The following TMX4 variants were observed in gnomAD, a reference collection of about 807,000 sequenced individuals.
The protein encoded by TMX4 is thioredoxin related transmembrane protein 4.
TMX4 carries 23 observed loss-of-function variants against 33.3 expected under a neutral mutation model. The observed-to-expected ratio is 0.69, with a 90% CI of 0.50 to 0.98. The LOEUF (loss-of-function observed/expected upper bound fraction) is 0.98, where lower values mean the gene tolerates loss of function less well. TMX4 is among the 50% of genes least tolerant of loss of function. The pLI is 0.00. For missense variants in TMX4, 399 were observed against 448.9 expected (o/e 0.89, Z 1.01); for synonymous variants, 164 against 161.5 (o/e 1.02, Z -0.12).
chr20:7,991,087 A>C (rs1285359767), intron 5 of TMX4, among the ~76,000 whole-genome samples: 5 of 152,196 alleles, frequency 3.3e-5, no homozygotes, highest in Admixed American at 6.5e-5. Context: ...CATGGCTTTT[A>C]ATTCTCATCA....
intron 5 of TMX4, among the ~76,000 whole-genome samples, chr20:7,992,015 C>T (rs559463422): frequency 6.6e-6 from 1 of 152,362 alleles, no homozygotes; most frequent in South Asian, 2.1e-4. Context: ...ACTTCTAATC[C>T]TAACTATGCC....
At chr20:8,012,984 A>G (rs1045887506) in intron 1 of TMX4, among the ~76,000 whole-genome samples, 22 of 152,308 alleles carry the variant, frequency 1.4e-4, no homozygotes, top group African/African-American at 4.6e-4. Flanking sequence ...GAACTGGTCC[A>G]TTGTTGCTGC....
chr20:7,996,984 T>C (rs2050679151), intron 4 of TMX4, among the ~76,000 whole-genome samples: 1 of 152,156 alleles, frequency 6.6e-6, no homozygotes, highest in African/African-American at 2.4e-5. Flanking sequence ...TTTCATTCAA[T>C]GTCCATGTCT....
intron 1 of TMX4, chr20:8,019,203 G>C (rs6055462): frequency 0.32 from 167,016 of 521,922 alleles, 33,326 homozygotes; most frequent in East Asian, 0.84. Context: ...GCGAGCGGCC[G>C]GGCCCCACAG....
intron 1 of TMX4, 91 bp downstream of exon 1, chr20:8,019,347 G>T: frequency 7.2e-7 from 1 of 1,386,816 alleles, no homozygotes; most frequent in Non-Finnish European, 9.5e-7. Flanking sequence ...GAGCCCAAGC[G>T]GCAATGCGGG....
chr20:8,008,348 GT>G (rs1461397619), intron 2 of TMX4, among the ~76,000 whole-genome samples: 1 of 151,946 alleles, frequency 6.6e-6, no homozygotes, highest in Non-Finnish European at 1.5e-5. Flanking sequence ...AATACCAGAA[GT>G]TTTTCCTTCT....
intron 6 of TMX4, among the ~76,000 whole-genome samples, chr20:7,986,699 T>G (rs1206621942): frequency 2.0e-5 from 3 of 152,214 alleles, no homozygotes; most frequent in African/African-American, 7.2e-5. Flanking sequence ...AATAAATTTA[T>G]TATTCAACTC....
chr20:8,008,692 C>T (rs542709539), intron 2 of TMX4, among the ~76,000 whole-genome samples: 2 of 152,096 alleles, frequency 1.3e-5, no homozygotes, highest in African/African-American at 2.4e-5. Flanking sequence ...GCATGGTGCC[C>T]AGTAATTAAC....
rs1414602524 is a variant in TMX4 at position 7,995,089 on chromosome 20, A to G, written c.513+937T>C. Among the ~76,000 whole-genome samples the G allele has an allele frequency of 2.6e-5, 4 of 152,318 alleles. No individual in the cohort carries two copies. The East Asian group carries it at 7.7e-4, about 29-fold the overall frequency. ...ATCTCACAAGGCAGAATATAAATGG[A>G]ACTGAGAAAGTGGAATACAAAAGGT... is the stretch of plus-strand genomic sequence containing the variant. On this transcript the variant is annotated intron_variant, in intron 5 of 7. Transcript: ENST00000246024.
chr20:7,993,029 T>C (rs1342493523), intron 5 of TMX4, among the ~76,000 whole-genome samples: 2 of 152,226 alleles, frequency 1.3e-5, no homozygotes, highest in African/African-American at 4.8e-5. Flanking sequence ...TACTGTTTTG[T>C]CATCTTCCCT....
chr20:7,987,289 A>G lies in TMX4; in HGVS notation c.614T>C (p.Leu205Pro), dbSNP rs377411397. Reference sequence around the variant, plus strand: ...AAAAAGTTTGGTATTATCTCTTACCAGACCCATAAAAAGGCCAAAAACCAA... The same window carrying G: ...AAAAAGTTTGGTATTATCTCTTACCGGACCCATAAAAAGGCCAAAAACCAA... ...ATLVFGLFMG[L>P]VLVVISECFY... The change falls in exon 6 of 8, where the codon CTG (leucine) becomes CCG (proline). Residue 205 changes from leucine (L) to proline (P), a missense_variant and splice_region_variant. Transcript: ENST00000246024. 3.8e-6 allele frequency: 6 copies of G among 1,577,964 alleles called. No individual in the cohort carries two copies. The highest frequency in any genetic ancestry group is 5.2e-6 in the Non-Finnish European group (6 of 1,165,004).
At chr20:8,002,885 T>A (rs1034941792) in intron 2 of TMX4, among the ~76,000 whole-genome samples, 3 of 152,188 alleles carry the variant, frequency 2.0e-5, no homozygotes, top group South Asian at 4.1e-4. Context: ...TGCTCTGGAT[T>A]AGTAAAAGTC....
At chr20:8,007,501 T>C (rs559909206) in intron 2 of TMX4, among the ~76,000 whole-genome samples, 1 of 152,328 alleles carries the variant, frequency 6.6e-6, no homozygotes, top group East Asian at 1.9e-4. Flanking sequence ...AATCATATCA[T>C]ATCTCTCTCC....
chr20:7,995,963 A>T, intron 5 of TMX4, 63 bp downstream of exon 5: 2 of 1,332,632 alleles, frequency 1.5e-6, no homozygotes, highest in Non-Finnish European at 2.1e-6. Context: ...CCTATTGCTT[A>T]AAAGCTGTAT....
chr20:8,000,153 C>A (rs1488362848), intron 3 of TMX4, among the ~76,000 whole-genome samples: 1 of 152,100 alleles, frequency 6.6e-6, no homozygotes, highest in Non-Finnish European at 1.5e-5. Flanking sequence ...ATTTTTGCTA[C>A]CAATTACTTT....
chr20:8,011,058 T>C (rs562136937), intron 1 of TMX4, among the ~76,000 whole-genome samples: 3 of 152,248 alleles, frequency 2.0e-5, no homozygotes, highest in South Asian at 2.1e-4. Flanking sequence ...GCAAACATCA[T>C]ATTATTCTTA....
rs1269990182 is a variant in TMX4, at chr20:8,019,433, C to A, written c.176+5G>T. On this transcript the variant is annotated splice_donor_5th_base_variant and intron_variant, in intron 1 of 7. Coordinates refer to ENST00000246024, the MANE Select transcript of TMX4 (RefSeq NM_021156.4). ...GCGGCGTCCGGGGCGGGCGGGCACACTCACAATTTCAGCATCCACTCGCCC... is the reference window on the plus strand; with the variant it reads ...GCGGCGTCCGGGGCGGGCGGGCACAATCACAATTTCAGCATCCACTCGCCC... 6.6e-7 allele frequency: 1 copy of A among 1,515,678 alleles called. No homozygotes were observed. 93.9% of individuals were successfully genotyped at this position (1,515,678 alleles called of 1,614,324 possible).
rs1413133439 is a variant in TMX4, at chr20:7,982,611, C to A, written c.690G>T (p.Arg230=). 1.2e-6 allele frequency: 2 copies of A among 1,611,426 alleles called. No homozygotes were observed. Among genetic ancestry groups the A allele is most frequent in the Admixed American group, 3.3e-5 (2 of 59,820 alleles). The part of the protein sequence containing the change: ...RHLSERSEQN[R]RSEEAHRAEQ... The stretch of plus-strand genomic sequence containing the variant: ...CAGCTCTATGAGCCTCCTCTGATCT[C>A]CGATTCTGCTCTATGGAGGGAAGAA... The change falls in exon 8 of 8, where the codon CGG becomes CGT. Residue 230 remains arginine (R), a synonymous_variant. Coordinates refer to ENST00000246024, the MANE Select transcript of TMX4 (RefSeq NM_021156.4).
intron 6 of TMX4, among the ~76,000 whole-genome samples, chr20:7,986,865 A>G (rs2050633000): frequency 1.3e-5 from 2 of 152,182 alleles, no homozygotes; most frequent in African/African-American, 4.8e-5. Context: ...GTTTAACTGG[A>G]GGATAAGAAC....
Sources: allele counts gnomAD v4.1 joint callset (sites outside exome capture counted in the v4.1 genomes callset), GRCh38; gene constraint gnomAD v4.1.1; transcripts MANE v1.5; gene names NCBI Gene and HGNC (gene_info 2026-07-23, HGNC 2026-07-21).